Variants in PRR33 observed in about 807,000 individuals in gnomAD.
The protein encoded by PRR33 is proline-rich protein 33.
Under a neutral mutation model 0.5 loss-of-function variants are expected in PRR33, and 1 was observed. That is an observed-to-expected ratio of 2.18 (90% CI 0.77 to 10.34). The LOEUF (loss-of-function observed/expected upper bound fraction) is 10.34, where lower values mean the gene tolerates loss of function less well. Ranked by LOEUF, PRR33 falls within the 30% of genes most tolerant of loss-of-function variation. The pLI, the probability that PRR33 is intolerant of heterozygous loss-of-function variation, is 0.13. For synonymous variants in PRR33, 226 were observed against 110.0 expected, an observed-to-expected ratio of 2.06 and a Z score of -6.60; for missense variants, 552 against 251.8, an observed-to-expected ratio of 2.19 and a Z score of -8.07.
At chr11:1,893,510 T>A (rs116803611), upstream of PRR33, among the ~76,000 whole-genome samples, 462 of 146,308 alleles carry the variant, frequency 3.2e-3, 3 homozygotes, top group African/African-American at 0.011. Context: ...GAGGGATGCA[T>A]GAGTGGATAG....
chr11:1,913,566 G>A, the PRR33 span, among the ~76,000 whole-genome samples: 1 of 152,130 alleles, frequency 6.6e-6, no homozygotes, highest in African/African-American at 2.4e-5. Context: ...CACTCTCCCT[G>A]ACCACGTCCC....
At chr11:1,906,274 G>A in the PRR33 span, among the ~76,000 whole-genome samples, 4 of 151,988 alleles carry the variant, frequency 2.6e-5, no homozygotes, top group Non-Finnish European at 4.4e-5. Flanking sequence ...CTCCTTTTGC[G>A]TTCATGAGAA....
chr11:1,894,477 C>A (rs182918680), upstream of PRR33, among the ~76,000 whole-genome samples: 268 of 151,702 alleles, frequency 1.8e-3, no homozygotes, highest in East Asian at 9.9e-3. Flanking sequence ...CTCAAGCGAC[C>A]CCCCCTGCCT....
At chr11:1,908,606 T>C in the PRR33 span, among the ~76,000 whole-genome samples, 1 of 152,238 alleles carries the variant, frequency 6.6e-6, no homozygotes, top group African/African-American at 2.4e-5. Context: ...TAGCTGGTGG[T>C]TGTTGGAAGA....
exon 1 of PRR33, chr11:1,889,063 A>G: frequency 1.7e-6 from 1 of 576,334 alleles, no homozygotes; most frequent in Non-Finnish European, 3.1e-6. Context: ...TTCATGCAGC[A>G]ACTATGGGCC....
At chr11:1,904,358 G>A in the PRR33 span, among the ~76,000 whole-genome samples, 3 of 151,846 alleles carry the variant, frequency 2.0e-5, no homozygotes, top group Non-Finnish European at 2.9e-5. Context: ...GTGAAACCCC[G>A]TCTCTACTAA....
exon 1 of PRR33, chr11:1,890,082 A>G (rs1159542716): frequency 1.4e-6 from 1 of 715,778 alleles, no homozygotes; most frequent in South Asian, 1.5e-5. Context: ...AGAGACAGGG[A>G]CGAAGCCACT....
the PRR33 span, among the ~76,000 whole-genome samples, chr11:1,901,202 C>T: frequency 6.6e-6 from 1 of 151,998 alleles, no homozygotes; most frequent in Non-Finnish European, 1.5e-5. Flanking sequence ...ATCCCAGTTA[C>T]TTGGGAGGCT....
At chr11:1,894,569 A>G (rs1319951906), upstream of PRR33, among the ~76,000 whole-genome samples, 1 of 152,154 alleles carries the variant, frequency 6.6e-6, no homozygotes, top group Non-Finnish European at 1.5e-5. Context: ...CATAAATGGC[A>G]TCCTGCAGCA....
chr11:1,892,808 G>A (rs1849055008), upstream of PRR33, among the ~76,000 whole-genome samples: 1 of 151,736 alleles, frequency 6.6e-6, no homozygotes, highest in Admixed American at 6.6e-5. Context: ...GGGTAGGTGG[G>A]TGGACGAATG....
At chr11:1,888,937 C>T (rs932241763) in exon 1 of PRR33, 2 of 487,262 alleles carry the variant, frequency 4.1e-6, no homozygotes, top group African/African-American at 2.0e-5. Context: ...GGCTCCAGCT[C>T]GTCCTCTCTG....
At chr11:1,890,995 G>T (rs1233295181) in exon 1 of PRR33, 6 of 172,348 alleles carry the variant, frequency 3.5e-5, no homozygotes, top group Non-Finnish European at 7.5e-5. Flanking sequence ...CTGGCCAGCT[G>T]CTGGCCAAGC....
At chr11:1,896,132 A>T (rs1849122167), upstream of PRR33, among the ~76,000 whole-genome samples, 1 of 152,160 alleles carries the variant, frequency 6.6e-6, no homozygotes, top group South Asian at 2.1e-4. Context: ...GAATTCTTAG[A>T]ATGTTAGCTC....
At chr11:1,905,975 C>T in the PRR33 span, among the ~76,000 whole-genome samples, 23 of 151,548 alleles carry the variant, frequency 1.5e-4, 1 homozygote, top group South Asian at 2.1e-4. Context: ...CATGCCACCA[C>T]GCCCAGCTAA....
At chr11:1,895,256 C>A (rs530258808), upstream of PRR33, among the ~76,000 whole-genome samples, 1 of 152,084 alleles carries the variant, frequency 6.6e-6, no homozygotes, top group African/African-American at 2.4e-5. Context: ...CCTCAGCCTC[C>A]CAGGTAGCTG....
At chr11:1,906,302 A>T in the PRR33 span, among the ~76,000 whole-genome samples, 1 of 151,672 alleles carries the variant, frequency 6.6e-6, no homozygotes, top group Non-Finnish European at 1.5e-5. Flanking sequence ...TCGTTACATC[A>T]TCTTGTTTGC....
the PRR33 span, among the ~76,000 whole-genome samples, chr11:1,917,046 A>G: frequency 6.6e-6 from 1 of 152,228 alleles, no homozygotes; most frequent in Non-Finnish European, 1.5e-5. Context: ...GAACGAGTCA[A>G]TGAAACTGCA....
At chr11:1,888,596 T>A (rs1225214751) in exon 1 of PRR33, 2 of 152,500 alleles carry the variant, frequency 1.3e-5, no homozygotes, top group African/African-American at 4.8e-5. Flanking sequence ...CCACGCTGGC[T>A]GAGGGCTCCC....
the PRR33 span, among the ~76,000 whole-genome samples, chr11:1,911,929 G>A: frequency 1.1e-3 from 158 of 148,450 alleles, no homozygotes; most frequent in African/African-American, 3.7e-3. Context: ...GGGAGGCCGA[G>A]CTGGGAGGAT....
Sources: gnomAD v4.1 joint callset for allele counts (sites outside exome capture counted in the v4.1 genomes callset) on GRCh38, gnomAD v4.1.1 for gene constraint, MANE v1.5 for transcripts, NCBI Gene and HGNC (gene_info 2026-07-23, HGNC 2026-07-21) for gene names.